The following LRRC14 variants were observed in gnomAD, a reference collection of about 807,000 sequenced individuals.
LRRC14 encodes the protein leucine-rich repeat-containing protein 14.
A neutral mutation model predicts 25.3 loss-of-function variants in LRRC14; 16 were observed. The observed-to-expected ratio is 0.63, with a 90% CI of 0.43 to 0.96. LRRC14 has a LOEUF of 0.96. Among genes scored for constraint, LRRC14 ranks in the 40% least tolerant of loss-of-function variants. The pLI, the probability that LRRC14 is intolerant of heterozygous loss-of-function variation, is 0.00. For missense variants in LRRC14, 594 were observed against 660.5 expected, an observed-to-expected ratio of 0.90 and a Z score of 1.10; for synonymous variants, 359 against 295.1, an observed-to-expected ratio of 1.22 and a Z score of -2.22.
Position 144,522,435 on chromosome 8 carries a change from G to A in LRRC14, c.*957G>A. The A allele has an allele frequency of 2.9e-6, 4 of 1,385,974 alleles. No homozygotes were observed. The highest frequency in any genetic ancestry group is 1.5e-5 in the African/African-American group (1 of 65,668). 85.9% of individuals were successfully genotyped at this position (1,385,974 alleles called of 1,614,324 possible). A position where few individuals can be genotyped will look rare whatever the true frequency, so the allele number is the denominator to read the frequency against. ...ACGGAGCATGCGCGAGGCCGCACCG[G>A]CCAATCTCCGGCGCCCACGTCATCC... On this transcript the variant is annotated 3_prime_UTR_variant, in exon 4 of 4. Coordinates refer to ENST00000292524, the MANE Select transcript of LRRC14 (RefSeq NM_014665.4).
Position 144,519,856 on chromosome 8 carries a change from C to T in LRRC14, c.131C>T (p.Thr44Ile), listed in dbSNP as rs1815873008. 2.5e-6 allele frequency: 4 copies of T among 1,613,580 alleles called. No homozygotes were observed. Among genetic ancestry groups the T allele is most frequent in the Middle Eastern group, 1.6e-4 (1 of 6,062 alleles). The change falls in exon 2 of 4, where the codon ACA becomes ATA. Residue 44 changes from threonine to isoleucine, a missense_variant. Physicochemically the swap from Thr to Ile is moderately conservative, Grantham distance 89. Coordinates refer to ENST00000292524, the MANE Select transcript of LRRC14 (RefSeq NM_014665.4). ...LFKVAFMDKK[T>I]VVLRELVHTW... ...AAGGTGGCCTTCATGGACAAGAAGA[C>T]AGTGGTACTGCGCGAGTTGGTACAC...
chr8:144,518,895 C>A (rs188213872), intron 1 of LRRC14: 1 of 152,388 alleles, frequency 6.6e-6, no homozygotes, highest in East Asian at 1.9e-4. Context: ...CTTGTCTGAG[C>A]AGTCTGTAGC....
chr8:144,524,171 C>T lies in LRRC14; in HGVS notation c.*2693C>T, dbSNP rs767221881. 2.4e-5 allele frequency: 39 copies of T among 1,611,096 alleles called. No homozygotes were observed. The African/African-American group carries it at 4.8e-4, about 20-fold the overall frequency. On this transcript the variant is annotated 3_prime_UTR_variant, in exon 4 of 4. Transcript: ENST00000292524. ...GCAGGGCCTCTCGGCTGATGGTGCC[C>T]AGCTGGTTCCTGCTGAGGTCCAGCA... is the stretch of plus-strand genomic sequence containing the variant.
Position 144,522,869 on chromosome 8 carries a change from G to C in LRRC14, c.*1391G>C, listed in dbSNP as rs1338908402. ...CGCCTCGGGCCGGGGCTCGCTGCCG[G>C]CGGGGCGGGCGGCCGGAGGCGGCGG... On this transcript the variant is annotated 3_prime_UTR_variant, in exon 4 of 4. Coordinates refer to ENST00000292524, the MANE Select transcript of LRRC14 (RefSeq NM_014665.4). 7.9e-7 allele frequency: 1 copy of C among 1,263,626 alleles called. No homozygotes were observed. Among genetic ancestry groups the C allele is most frequent in the Non-Finnish European group, 9.9e-7 (1 of 1,011,286 alleles). 78.3% of individuals were successfully genotyped at this position (1,263,626 alleles called of 1,614,324 possible).
chr8:144,523,230 G>A lies in LRRC14; in HGVS notation c.*1752G>A. 6.2e-7 allele frequency: 1 copy of A among 1,610,064 alleles called. No individual in the cohort carries two copies. The highest frequency in any genetic ancestry group is 1.1e-5 in the South Asian group (1 of 90,672). On this transcript the variant is annotated 3_prime_UTR_variant, in exon 4 of 4. Coordinates refer to ENST00000292524, the MANE Select transcript of LRRC14 (RefSeq NM_014665.4). ...GCTGTGAGCTCCAGCGGCTGCACGT[G>A]GACAGAGGGCGGAATGCAGATGAGG...
At position 144,519,859 on chromosome 8, in the gene LRRC14, T is replaced by C; in HGVS notation, c.134T>C (p.Val45Ala). 6.2e-7 allele frequency: 1 copy of C among 1,613,556 alleles called. No individual in the cohort carries two copies. The highest frequency in any genetic ancestry group is 8.5e-7 in the Non-Finnish European group (1 of 1,180,024). ...FKVAFMDKKTVVLRELVHTWP... is the reference protein window; with the variant it reads ...FKVAFMDKKTAVLRELVHTWP... ...GTGGCCTTCATGGACAAGAAGACAG[T>C]GGTACTGCGCGAGTTGGTACACACG... The change falls in exon 2 of 4, where the codon GTG becomes GCG. Residue 45 changes from valine (V) to alanine (A), a missense_variant. Val to Ala is a moderately conservative substitution (Grantham distance 64, BLOSUM62 0). Transcript: ENST00000292524.
rs200123953 is a variant in LRRC14, at chr8:144,524,544, C to A, written c.*3066C>A. 1.9e-6 allele frequency: 3 copies of A among 1,582,262 alleles called. No individual in the cohort carries two copies. The highest frequency in any genetic ancestry group is 3.5e-5 in the Admixed American group (2 of 57,060). ...GCCTACGAAGGCGCCGCTGCGCAAG[C>A]CGCGCAGCCGGTTGCTAGTGAGCGC... is the stretch of plus-strand genomic sequence containing the variant. On this transcript the variant is annotated 3_prime_UTR_variant, in exon 4 of 4. Coordinates refer to ENST00000292524, the MANE Select transcript of LRRC14 (RefSeq NM_014665.4).
chr8:144,520,859 TGTAG>T (rs1815982849), intron 3 of LRRC14, 37 bp downstream of exon 3: 3 of 1,593,690 alleles, frequency 1.9e-6, no homozygotes, highest in Non-Finnish European at 2.6e-6. Flanking sequence ...CCCTCCCTTC[TGTAG>T]GGACCCTCCC....
At position 144,519,497 on chromosome 8, in the gene LRRC14, G is replaced by A. The variant is rs1032839569; in HGVS notation, c.-111-118G>A. 5.1e-5 allele frequency: 30 copies of A among 589,384 alleles called. No homozygotes were observed. In the African/African-American group the frequency reaches 5.6e-4, roughly 11 times the overall value. The allele number at this position is 589,384 out of a possible 1,614,324, so 36.5% of individuals were successfully genotyped here. ...TCTCTAAAGAGATCCTGTGCATCTG[G>A]AGGGCTGGGGCTGAGTTGTGAGTTT... is the stretch of plus-strand genomic sequence containing the variant. On this transcript the variant is annotated intron_variant, in intron 1 of 3. Coordinates refer to ENST00000292524, the MANE Select transcript of LRRC14 (RefSeq NM_014665.4).
In LRRC14 at chr8:144,520,902, C is replaced by G; in HGVS notation, c.915-9C>G. ...CTCTGCCTGTCTGTGACCCCTGTGT[C>G]CCCTGTAGCACCCTGCAGAGCCCCC... On this transcript the variant is annotated splice_polypyrimidine_tract_variant and intron_variant, in intron 3 of 3. Transcript: ENST00000292524. 6.2e-7 allele frequency: 1 copy of G among 1,604,500 alleles called. No individual in the cohort carries two copies. Among genetic ancestry groups the G allele is most frequent in the Non-Finnish European group, 8.5e-7 (1 of 1,177,114 alleles).
At position 144,523,423 on chromosome 8, in the gene LRRC14, G is replaced by C. The variant is rs200475932; in HGVS notation, c.*1945G>C. 1.6e-5 allele frequency: 24 copies of C among 1,515,506 alleles called. 1 individual carries two copies. In the Admixed American group the frequency reaches 4.6e-4, roughly 29 times the overall value. The allele number at this position is 1,515,506 out of a possible 1,614,324, so 93.9% of individuals were successfully genotyped here. A position where few individuals can be genotyped will look rare whatever the true frequency, so the allele number is the denominator to read the frequency against. Reference sequence around the variant, plus strand: ...GCCATGGGTTCTCTGTGGGAGAGCAGCGTTAGGCAGGTGGCTTGAGGGTGC... The same window carrying C: ...GCCATGGGTTCTCTGTGGGAGAGCACCGTTAGGCAGGTGGCTTGAGGGTGC... On this transcript the variant is annotated 3_prime_UTR_variant, in exon 4 of 4. Transcript: ENST00000292524.
At position 144,519,867 on chromosome 8, in the gene LRRC14, C is replaced by T. The variant is rs142979928; in HGVS notation, c.142C>T (p.Arg48Cys). 9.3e-6 allele frequency: 15 copies of T among 1,613,410 alleles called. No individual in the cohort carries two copies. Among genetic ancestry groups the T allele is most frequent in the African/African-American group, 4.0e-5 (3 of 74,946 alleles). ...CATGGACAAGAAGACAGTGGTACTGCGCGAGTTGGTACACACGTGGCCCTT... is the reference window on the plus strand; with the variant it reads ...CATGGACAAGAAGACAGTGGTACTGTGCGAGTTGGTACACACGTGGCCCTT... ...AFMDKKTVVL[R>C]ELVHTWPFPL... The change falls in exon 2 of 4, where the codon CGC becomes TGC. Residue 48 changes from arginine (R) to cysteine (C), a missense_variant. Transcript: ENST00000292524.
chr8:144,520,123 A>G (rs1815899082), intron 2 of LRRC14, 69 bp downstream of exon 2: 11 of 1,572,442 alleles, frequency 7.0e-6, no homozygotes, highest in Non-Finnish European at 7.7e-6. Context: ...GGCTTGGGTC[A>G]TAAAGTTAGC....
chr8:144,520,331 T>C lies in LRRC14; in HGVS notation c.423T>C (p.Ala141=), dbSNP rs752513740. The change falls in exon 3 of 4, where the codon GCT becomes GCC. Residue 141 remains alanine (A), a synonymous_variant. Transcript: ENST00000292524. ...PGTMSMWDCT[A]AVARTCIAQQ... ...CCATGAGCATGTGGGACTGTACTGC[T>C]GCCGTAGCTCGCACATGCATTGCCC... 3.1e-6 allele frequency: 5 copies of C among 1,612,300 alleles called. No individual in the cohort carries two copies. Among genetic ancestry groups the C allele is most frequent in the Non-Finnish European group, 4.2e-6 (5 of 1,179,968 alleles).
chr8:144,519,846 G>T lies in LRRC14; in HGVS notation c.121G>T (p.Asp41Tyr). 1 of 1,613,582 alleles carries T rather than the reference G, an allele frequency of 6.2e-7. No individual in the cohort carries two copies. Among genetic ancestry groups the T allele is most frequent in the Non-Finnish European group, 8.5e-7 (1 of 1,180,030 alleles). ...CCTGCTGTTCAAGGTGGCCTTCATG[G>T]ACAAGAAGACAGTGGTACTGCGCGA... The part of the protein sequence containing the change: ...FPLLFKVAFM[D>Y]KKTVVLRELV... Residue 41 changes from aspartate (D) to tyrosine (Y), a missense_variant, in exon 2 of 4, where the codon GAC (aspartate) becomes TAC (tyrosine). Coordinates refer to ENST00000292524, the MANE Select transcript of LRRC14 (RefSeq NM_014665.4).
At position 144,524,377 on chromosome 8, in the gene LRRC14, T is replaced by A; in HGVS notation, c.*2899T>A. 6.3e-7 allele frequency: 1 copy of A among 1,594,152 alleles called. No homozygotes were observed. The highest frequency in any genetic ancestry group is 8.5e-7 in the Non-Finnish European group (1 of 1,177,000). ...AGACTGGGTTGCCTTTTCTAACTAT[T>A]CCAGCCCTACAGGGCGAGGGGCCAT... On this transcript the variant is annotated 3_prime_UTR_variant, in exon 4 of 4. Transcript: ENST00000292524.
In LRRC14 at chr8:144,522,085, C is replaced by T. The variant is rs938700828; in HGVS notation, c.*607C>T. The T allele has an allele frequency of 2.9e-5, 7 of 237,424 alleles. No individual in the cohort carries two copies. The highest frequency in any genetic ancestry group is 1.3e-4 in the African/African-American group (6 of 44,510). 14.7% of individuals were successfully genotyped at this position (237,424 alleles called of 1,614,324 possible). A position where few individuals can be genotyped will look rare whatever the true frequency, so the allele number is the denominator to read the frequency against. On this transcript the variant is annotated 3_prime_UTR_variant, in exon 4 of 4. Coordinates refer to ENST00000292524, the MANE Select transcript of LRRC14 (RefSeq NM_014665.4). ...CCCTTATCCTTATCTCTGCTGTCACCCCCAACATGGCCACCCGGCAACAAC... is the reference window on the plus strand; with the variant it reads ...CCCTTATCCTTATCTCTGCTGTCACTCCCAACATGGCCACCCGGCAACAAC...
At position 144,519,800 on chromosome 8, in the gene LRRC14, G is replaced by A; in HGVS notation, c.75G>A (p.Leu25=). Residue 25 remains leucine (L), a synonymous_variant, in exon 2 of 4, where the codon TTG becomes TTA. Coordinates refer to ENST00000292524, the MANE Select transcript of LRRC14 (RefSeq NM_014665.4). ...CQPAACQALP[L]LPRELFPLLF... The stretch of plus-strand genomic sequence containing the variant: ...CAGCTGCCTGCCAGGCCCTGCCCTT[G>A]CTGCCACGCGAACTCTTCCCCCTGC... The A allele has an allele frequency of 6.2e-7, 1 of 1,613,166 alleles. No individual in the cohort carries two copies. The highest frequency in any genetic ancestry group is 8.5e-7 in the Non-Finnish European group (1 of 1,179,926).
rs755974916 is a variant in LRRC14, at chr8:144,522,731, C to T, written c.*1253C>T. The T allele has an allele frequency of 1.9e-6, 3 of 1,591,886 alleles. No homozygotes were observed. The South Asian group carries it at 3.4e-5, about 18-fold the overall frequency. On this transcript the variant is annotated 3_prime_UTR_variant, in exon 4 of 4. Coordinates refer to ENST00000292524, the MANE Select transcript of LRRC14 (RefSeq NM_014665.4). ...CCCCCGCGCCTTTTTTCGCCTGCGG[C>T]GCCGGCGACAGATCATGGCGACCAG...
Sources: allele counts gnomAD v4.1 joint callset, GRCh38; gene constraint gnomAD v4.1.1; transcripts MANE v1.5; gene names NCBI Gene and HGNC (gene_info 2026-07-23, HGNC 2026-07-21).